TNFRSF11A: variants seen among roughly 807,000 people sequenced by gnomAD.
TNFRSF11A encodes the protein tumor necrosis factor receptor superfamily member 11A.
TNFRSF11A carries 32 observed loss-of-function variants against 55.7 expected under a neutral mutation model. The observed-to-expected ratio is 0.57, with a 90% confidence interval of 0.43 to 0.77. The LOEUF is 0.77. TNFRSF11A is among the 30% of genes least tolerant of loss of function. The probability of loss-of-function intolerance (pLI) is 0.00; values close to 1 mark genes in which losing one functional copy is unlikely to be tolerated. For missense variants in TNFRSF11A, 753 were observed against 809.8 expected, an observed-to-expected ratio of 0.93 and a Z score of 0.85; for synonymous variants, 311 against 331.0, an observed-to-expected ratio of 0.94 and a Z score of 0.65.
chr18:62,338,273 T>C (rs1333985321), intron 1 of TNFRSF11A, among the ~76,000 whole-genome samples: 1 of 152,046 alleles, frequency 6.6e-6, no homozygotes, highest in African/African-American at 2.4e-5. Flanking sequence ...AGTTGAGGGG[T>C]GGGTGCCTCG....
intron 9 of TNFRSF11A, among the ~76,000 whole-genome samples, chr18:62,379,823 A>G (rs923490793): frequency 1.2e-4 from 19 of 152,216 alleles, no homozygotes; most frequent in Non-Finnish European, 2.2e-4. Flanking sequence ...ATATCACAGG[A>G]TCAGTATTTT....
At chr18:62,371,867 A>T (rs545235306) in intron 9 of TNFRSF11A, among the ~76,000 whole-genome samples, 11 of 152,356 alleles carry the variant, frequency 7.2e-5, no homozygotes, top group African/African-American at 2.6e-4. Context: ...CAGAGGCCTT[A>T]TCCCATGGTC....
intron 9 of TNFRSF11A, among the ~76,000 whole-genome samples, chr18:62,372,197 G>A (rs147913547): frequency 1.2e-3 from 188 of 152,288 alleles, no homozygotes; most frequent in Admixed American, 4.6e-3. Context: ...GCAAAGATCA[G>A]TGAAGGGGGA....
chr18:62,363,571 G>A (rs565966979), intron 7 of TNFRSF11A, among the ~76,000 whole-genome samples: 15 of 151,984 alleles, frequency 9.9e-5, no homozygotes, highest in Admixed American at 3.3e-4. Flanking sequence ...GTTTCACCAC[G>A]TTGGTCAGGC....
chr18:62,382,030 ATATACCT>A lies in TNFRSF11A; in HGVS notation c.1568-2716_1568-2710del, dbSNP rs143869070. Among the ~76,000 whole-genome samples the A allele has an allele frequency of 7.6e-3, 1,157 of 151,456 alleles. 10 individuals carry two copies. Among genetic ancestry groups the A allele is most frequent in the African/African-American group, 0.026 (1,065 of 41,212 alleles). On this transcript the variant is annotated intron_variant, in intron 9 of 9. Transcript: ENST00000586569. ...TCTTAAATATTTTTTTACTTAAAAC[ATATACCT>A]TATAGTTGACACACTGATTATTTTA... is the stretch of plus-strand genomic sequence containing the variant.
intron 9 of TNFRSF11A, among the ~76,000 whole-genome samples, chr18:62,384,524 C>T (rs1012742770): frequency 1.3e-5 from 2 of 150,392 alleles, no homozygotes; most frequent in African/African-American, 2.5e-5. Context: ...TTCCTCTCCC[C>T]GCCTCTTCTC....
At chr18:62,331,644 A>G (rs946947768) in intron 1 of TNFRSF11A, among the ~76,000 whole-genome samples, 1 of 152,238 alleles carries the variant, frequency 6.6e-6, no homozygotes, top group Admixed American at 6.5e-5. Flanking sequence ...TGATCCCCAG[A>G]GAGTCACATC....
chr18:62,357,445 A>C (rs1600388618), intron 4 of TNFRSF11A, among the ~76,000 whole-genome samples: 1 of 152,218 alleles, frequency 6.6e-6, no homozygotes, highest in Non-Finnish European at 1.5e-5. Context: ...TCCTACTTTC[A>C]ACACTGTCCA....
Position 62,350,332 on chromosome 18 carries a change from G to A in TNFRSF11A, c.283+395G>A, listed in dbSNP as rs569646192. ...ATTTGAGACGGAGTCTCGCTCTGTCGCCCAGGCTGGAGTGCAGTGGCGCGA... is the reference window on the plus strand; with the variant it reads ...ATTTGAGACGGAGTCTCGCTCTGTCACCCAGGCTGGAGTGCAGTGGCGCGA... On this transcript the variant is annotated intron_variant, in intron 3 of 9. Transcript: ENST00000586569. Among the ~76,000 whole-genome samples the A allele has an allele frequency of 5.9e-5, 9 of 151,744 alleles. No homozygotes were observed. In the South Asian group the frequency reaches 6.3e-4, roughly 11 times the overall value.
rs183679655 is a variant in TNFRSF11A at position 62,331,496 on chromosome 18, C to T, written c.75+6069C>T. 8.5e-5 allele frequency among the ~76,000 whole-genome samples: 13 copies of T among 152,138 alleles called. No individual in the cohort carries two copies. The East Asian group carries it at 2.3e-3, about 27-fold the overall frequency. On this transcript the variant is annotated intron_variant, in intron 1 of 9. Transcript: ENST00000586569. Reference sequence around the variant, plus strand: ...GTAGAGGCAAACATGGTAAAAGCCCCGTGGCATTGTGCTGTGCAGGGAACT... The same window carrying T: ...GTAGAGGCAAACATGGTAAAAGCCCTGTGGCATTGTGCTGTGCAGGGAACT...
chr18:62,336,579 C>T (rs1228617705), intron 1 of TNFRSF11A: 4 of 152,112 alleles, frequency 2.6e-5, no homozygotes, highest in Admixed American at 2.0e-4. Flanking sequence ...GAAATGAATA[C>T]AAAGTTAAAG....
chr18:62,349,726 G>T (rs2046437230), intron 2 of TNFRSF11A, 86 bp from the exon 3 acceptor site: 13 of 1,513,650 alleles, frequency 8.6e-6, no homozygotes, highest in African/African-American at 1.4e-5. Context: ...CCATAGATGG[G>T]TGCAATTTTT....
chr18:62,354,288 C>G, intron 3 of TNFRSF11A, 103 bp from the exon 4 acceptor site: 1 of 1,383,766 alleles, frequency 7.2e-7, no homozygotes, highest in Non-Finnish European at 9.5e-7. Context: ...GCCTGCCAGG[C>G]GGGCTGCTGC....
At chr18:62,341,774 A>G (rs1304402379) in intron 1 of TNFRSF11A, among the ~76,000 whole-genome samples, 1 of 147,368 alleles carries the variant, frequency 6.8e-6, no homozygotes, top group African/African-American at 2.5e-5. Context: ...TCAGTGCAGC[A>G]GGATAGGCAC....
chr18:62,325,454 C>A lies in TNFRSF11A; in HGVS notation c.75+27C>A, dbSNP rs2046058239. The stretch of plus-strand genomic sequence containing the variant: ...TAAGGAGCGCCCGCGCCTGCCGGGC[C>A]GCGCGGCCCGACGCCTCCTCGGGAG... On this transcript the variant is annotated intron_variant, in intron 1 of 9. Coordinates refer to ENST00000586569, the MANE Select transcript of TNFRSF11A (RefSeq NM_003839.4). The surrounding 1 kb of genome is among the most constrained non-coding windows in gnomAD (Gnocchi z 4.7). 1.6e-6 allele frequency: 2 copies of A among 1,243,032 alleles called. No individual in the cohort carries two copies. The highest frequency in any genetic ancestry group is 1.9e-5 in the South Asian group (1 of 53,712). The allele number at this position is 1,243,032 out of a possible 1,614,324, so 77.0% of individuals were successfully genotyped here.
chr18:62,374,468 C>T (rs1177092898), intron 9 of TNFRSF11A, among the ~76,000 whole-genome samples: 1 of 152,072 alleles, frequency 6.6e-6, no homozygotes, highest in Non-Finnish European at 1.5e-5. Context: ...CCAAAAGAAC[C>T]CAATGTAGCC....
chr18:62,330,575 A>AG (rs1338901354), intron 1 of TNFRSF11A, among the ~76,000 whole-genome samples: 1 of 152,128 alleles, frequency 6.6e-6, no homozygotes, highest in African/African-American at 2.4e-5. Flanking sequence ...TGAGCTGGAG[A>AG]GGGCCATGAT....
intron 4 of TNFRSF11A, chr18:62,357,951 C>T (rs541180018): frequency 9.9e-5 from 38 of 385,490 alleles, no homozygotes; most frequent in African/African-American, 7.2e-4. Context: ...GGGTCATGAC[C>T]AGAGCTAGCC....
chr18:62,376,427 C>A (rs1212326712), intron 9 of TNFRSF11A, among the ~76,000 whole-genome samples: 2 of 151,872 alleles, frequency 1.3e-5, no homozygotes, highest in African/African-American at 2.4e-5. Context: ...ACTAACAATG[C>A]CTATAAAAAA....
Sources: allele counts gnomAD v4.1 joint callset (sites outside exome capture counted in the v4.1 genomes callset), GRCh38; gene constraint gnomAD v4.1.1; non-coding constraint Gnocchi (gnomAD v3.1); transcripts MANE v1.5; gene names NCBI Gene and HGNC (gene_info 2026-07-23, HGNC 2026-07-21).